CRPPA: variants seen among roughly 807,000 people sequenced by gnomAD.
CRPPA encodes the protein CDP-L-ribitol pyrophosphorylase A, also known as D-ribitol-5-phosphate cytidylyltransferase.
In CRPPA, 43 loss-of-function variants were observed where a neutral mutation model predicts 52.0. The ratio of observed to expected loss-of-function variants is 0.83; its 90% CI spans 0.65 to 1.07. CRPPA has a LOEUF of 1.07. Ranked by LOEUF, CRPPA falls within the 50% of genes least tolerant of loss-of-function variation. The pLI is 0.00. For missense variants in CRPPA, 629 were observed against 551.7 expected, an observed-to-expected ratio of 1.14 and a Z score of -1.40; for synonymous variants, 250 against 203.5, an observed-to-expected ratio of 1.23 and a Z score of -1.94.
At chr7:16,325,576 T>C (rs562402170) in intron 3 of CRPPA, among the ~76,000 whole-genome samples, 108 of 152,148 alleles carry the variant, frequency 7.1e-4, no homozygotes, top group Non-Finnish European at 1.3e-3. Flanking sequence ...ACTATATAAC[T>C]TTGACAGCAT....
intron 8 of CRPPA, among the ~76,000 whole-genome samples, chr7:16,240,945 A>AT: frequency 6.6e-6 from 1 of 152,250 alleles, no homozygotes; most frequent in South Asian, 2.1e-4. Context: ...TTAAATTGTC[A>AT]TTTTTTATTA....
chr7:16,320,141 GT>G lies in CRPPA; in HGVS notation c.685-11515del, dbSNP rs1323527652. The stretch of plus-strand genomic sequence containing the variant: ...ATTTGTCATTTTTAATCCCTTTCTA[GT>G]AGCTTTAATGAGGTTTGAGTTATGA... On this transcript the variant is annotated intron_variant, in intron 3 of 9. Transcript: ENST00000407010. Among the ~76,000 whole-genome samples the G allele has an allele frequency of 5.9e-5, 9 of 152,112 alleles. No individual in the cohort carries two copies. The South Asian group carries it at 1.9e-3, about 32-fold the overall frequency.
intron 6 of CRPPA, among the ~76,000 whole-genome samples, chr7:16,261,135 G>A (rs1226271633): frequency 6.6e-6 from 1 of 152,028 alleles, no homozygotes; most frequent in East Asian, 1.9e-4. Flanking sequence ...TACGAATGTT[G>A]CATTACAATA....
At chr7:16,339,933 A>T (rs2158489) in intron 3 of CRPPA, among the ~76,000 whole-genome samples, 71,156 of 151,900 alleles carry the variant, frequency 0.47, 16,873 homozygotes, top group African/African-American at 0.54. Context: ...AGGAAAGGAA[A>T]AGAGAGCCCA....
At chr7:16,242,947 G>T (rs1173517670) in intron 8 of CRPPA, among the ~76,000 whole-genome samples, 30 of 152,010 alleles carry the variant, frequency 2.0e-4, no homozygotes, top group Non-Finnish European at 4.4e-5. Context: ...ACAATTTCAG[G>T]CCACTTAATG....
chr7:16,284,702 C>T (rs932452220), intron 5 of CRPPA, among the ~76,000 whole-genome samples: 5 of 152,038 alleles, frequency 3.3e-5, no homozygotes, highest in Non-Finnish European at 7.4e-5. Context: ...AACAGATGCC[C>T]ACTCGTTCTC....
intron 9 of CRPPA, among the ~76,000 whole-genome samples, chr7:16,101,508 T>C (rs976628544): frequency 6.6e-6 from 1 of 152,024 alleles, no homozygotes; most frequent in Non-Finnish European, 1.5e-5. Context: ...CCCTTTATCA[T>C]TTTTTTATTG....
intron 9 of CRPPA, among the ~76,000 whole-genome samples, chr7:16,149,892 A>G (rs2128378513): frequency 6.6e-6 from 1 of 152,060 alleles, no homozygotes; most frequent in South Asian, 2.1e-4. Flanking sequence ...AGGCTGAGGC[A>G]GGAGAACTGA....
rs182357532 is a variant in CRPPA, at chr7:16,274,491, C to A, written c.933+3638G>T. 1.3e-3 allele frequency among the ~76,000 whole-genome samples: 200 copies of A among 152,144 alleles called. 2 individuals carry two copies. Among genetic ancestry groups the A allele is most frequent in the African/African-American group, 4.6e-3 (192 of 41,492 alleles). ...TCTCCTTTCAAGGTGAACCAAGATT[C>A]TCTGAGTAAAATAACAGGACACCCA... On this transcript the variant is annotated intron_variant, in intron 6 of 9. Transcript: ENST00000407010.
intron 9 of CRPPA, among the ~76,000 whole-genome samples, chr7:16,150,660 T>C (rs1200736547): frequency 6.6e-6 from 1 of 152,220 alleles, no homozygotes; most frequent in East Asian, 1.9e-4. Flanking sequence ...GAGCACCATC[T>C]GCTATAAGAA....
At position 16,213,691 on chromosome 7, in the gene CRPPA, A is replaced by G. The variant is rs183930412; in HGVS notation, c.1251+2375T>C. The stretch of plus-strand genomic sequence containing the variant: ...TTGAACCCAGGAGGTGGAGGTTGCA[A>G]TGAGCCGAGATTGTGCCATTGCGCT... On this transcript the variant is annotated intron_variant, in intron 9 of 9. Transcript: ENST00000407010. 7.1e-3 allele frequency among the ~76,000 whole-genome samples: 1,082 copies of G among 151,778 alleles called. 15 individuals are homozygous for G. The highest frequency in any genetic ancestry group is 0.025 in the African/African-American group (1,047 of 41,356).
intron 8 of CRPPA, among the ~76,000 whole-genome samples, chr7:16,253,605 T>C (rs768031819): frequency 2.6e-5 from 4 of 152,310 alleles, no homozygotes; most frequent in Non-Finnish European, 4.4e-5. Context: ...GAGAGTTCTG[T>C]AGATGTCTAT....
intron 9 of CRPPA, among the ~76,000 whole-genome samples, chr7:16,100,333 T>C (rs1015338124): frequency 1.3e-5 from 2 of 152,206 alleles, no homozygotes; most frequent in Non-Finnish European, 2.9e-5. Context: ...AAATCCCTAA[T>C]GTTTTTATTT....
chr7:16,341,432 A>C (rs1478992393), intron 3 of CRPPA, among the ~76,000 whole-genome samples: 1 of 152,174 alleles, frequency 6.6e-6, no homozygotes, highest in Non-Finnish European at 1.5e-5. Context: ...TTTAAAAAAT[A>C]AACAATGTTG....
chr7:16,387,072 TATATATATATATATAC>T lies in CRPPA; in HGVS notation c.535-10847_535-10832del, dbSNP rs1394321536. On this transcript the variant is annotated intron_variant, in intron 2 of 9. Coordinates refer to ENST00000407010, the MANE Select transcript of CRPPA (RefSeq NM_001101426.4). ...ATATATATATATATATATATATATA[TATATATATATATATAC>T]ACACATATATATATGTATATACACA... is the stretch of plus-strand genomic sequence containing the variant. 2.8e-3 allele frequency among the ~76,000 whole-genome samples: 204 copies of T among 71,988 alleles called. 3 individuals carry two copies. Among genetic ancestry groups the T allele is most frequent in the African/African-American group, 0.011 (174 of 15,902 alleles). The allele number at this position is 71,988 out of a possible 152,430, so 47.2% of individuals were successfully genotyped here. A position where few individuals can be genotyped will look rare whatever the true frequency, so the allele number is the denominator to read the frequency against.
chr7:16,223,771 T>G (rs545137564), intron 8 of CRPPA, among the ~76,000 whole-genome samples: 16 of 152,324 alleles, frequency 1.1e-4, no homozygotes, highest in African/African-American at 3.8e-4. Flanking sequence ...TGTTTTTGCC[T>G]TAATAAAATA....
At chr7:16,404,178 T>C (rs886108208) in intron 2 of CRPPA, among the ~76,000 whole-genome samples, 1 of 152,196 alleles carries the variant, frequency 6.6e-6, no homozygotes, top group Non-Finnish European at 1.5e-5. Flanking sequence ...GCAATATTTC[T>C]AAAAGAAACT....
intron 3 of CRPPA, among the ~76,000 whole-genome samples, chr7:16,332,189 C>A (rs1318593881): frequency 1.3e-5 from 2 of 152,092 alleles, no homozygotes; most frequent in African/African-American, 4.8e-5. Flanking sequence ...GAATACCTAC[C>A]TAGAATTCTA....
intron 5 of CRPPA, among the ~76,000 whole-genome samples, chr7:16,285,988 C>G (rs1374151848): frequency 4.5e-5 from 5 of 112,348 alleles, no homozygotes. Flanking sequence ...CCACTGCACT[C>G]CAGCTTAGGC....
Sources: gnomAD v4.1 joint callset for allele counts (sites outside exome capture counted in the v4.1 genomes callset) on GRCh38, gnomAD v4.1.1 for gene constraint, MANE v1.5 for transcripts, NCBI Gene and HGNC (gene_info 2026-07-23, HGNC 2026-07-21) for gene names.